The following SASH1 variants were observed in gnomAD, a reference collection of about 807,000 sequenced individuals.
SASH1 encodes the protein SAM and SH3 domain containing 1, also known as SAM and SH3 domain-containing protein 1.
A neutral mutation model predicts 125.2 loss-of-function variants in SASH1; 44 were observed. That is an observed-to-expected ratio of 0.35 (90% confidence interval 0.28 to 0.45). SASH1 has a LOEUF of 0.45. Ranked by LOEUF, SASH1 falls within the 20% of genes least tolerant of loss-of-function variation. The pLI is 1.00. For synonymous variants in SASH1, 639 were observed against 649.1 expected (o/e 0.98, Z 0.24); for missense variants, 1,426 against 1,614.5 (o/e 0.88, Z 2.00).
the SASH1 span, among the ~76,000 whole-genome samples, chr6:148,194,126 A>C: frequency 6.6e-6 from 1 of 152,162 alleles, no homozygotes; most frequent in Non-Finnish European, 1.5e-5. Flanking sequence ...CGTACCTGCC[A>C]TTTTCCCTTT....
chr6:148,240,232 G>GGTCT, the SASH1 span, among the ~76,000 whole-genome samples: 3 of 151,888 alleles, frequency 2.0e-5, 1 homozygote, highest in South Asian at 6.3e-4. Flanking sequence ...TCAAAGCCTA[G>GGTCT]GTCTAAACAT....
intron 6 of SASH1, among the ~76,000 whole-genome samples, chr6:148,473,365 T>C (rs1778199399): frequency 6.6e-6 from 1 of 152,194 alleles, no homozygotes; most frequent in South Asian, 2.1e-4. Context: ...GCAATTCTCC[T>C]GCTTCAGTCT....
At chr6:148,287,680 T>C (rs1192334757) in intron 1 of SASH1, among the ~76,000 whole-genome samples, 1 of 77,192 alleles carries the variant, frequency 1.3e-5, no homozygotes, top group African/African-American at 7.8e-5. Context: ...CTGTAATCAG[T>C]GCGTGCGTGT....
chr6:148,440,433 A>G (rs1776497722), intron 4 of SASH1, 26 bp downstream of exon 4: 2 of 1,607,288 alleles, frequency 1.2e-6, no homozygotes, highest in African/African-American at 1.3e-5. Flanking sequence ...TCTGCCCAGG[A>G]CCACCTTCCA....
intron 2 of SASH1, among the ~76,000 whole-genome samples, chr6:148,427,281 T>C (rs1002740295): frequency 1.3e-5 from 2 of 151,762 alleles, no homozygotes; most frequent in Non-Finnish European, 2.9e-5. Context: ...ACCCAGGGGG[T>C]GGATTATAGT....
In SASH1 at chr6:148,294,380, C is replaced by T. The variant is rs766239010; in HGVS notation, n.74+22003C>T. ...GTACAAATCCTGGACCCTTTCCTTA[C>T]GAGCTCTGAGACTCTGGACAAATGA... On this transcript the variant is annotated intron_variant and non_coding_transcript_variant, in intron 1 of 3. Coordinates refer to the SASH1 transcript ENST00000367469. Among the ~76,000 whole-genome samples the T allele has an allele frequency of 3.9e-4, 59 of 152,250 alleles. 1 individual carries two copies. The highest frequency in any genetic ancestry group is 6.5e-4 in the Admixed American group (10 of 15,282).
intron 1 of SASH1, among the ~76,000 whole-genome samples, chr6:148,354,570 C>A (rs1781854056): frequency 6.6e-6 from 1 of 151,964 alleles, no homozygotes; most frequent in Non-Finnish European, 1.5e-5. Context: ...ACTCATTCTG[C>A]ATCTTTGAGC....
intron 1 of SASH1, among the ~76,000 whole-genome samples, chr6:148,360,641 C>CCCCT (rs1554242948): frequency 7.8e-6 from 1 of 128,048 alleles, no homozygotes; most frequent in Non-Finnish European, 1.8e-5. Flanking sequence ...GAGCCACCCC[C>CCCCT]CCGCCAGGCT....
At position 148,366,762 on chromosome 6, in the gene SASH1, T is replaced by G. The variant is rs1782475617; in HGVS notation, c.157-23372T>G. 2.0e-5 allele frequency among the ~76,000 whole-genome samples: 3 copies of G among 151,822 alleles called. No homozygotes were observed. In the South Asian group the frequency reaches 6.2e-4, roughly 32 times the overall value. ...ACAGGTACGGGCCACCAAGCCCGCG[T>G]AATTTTTGTATTTTTGGCAGAGACG... On this transcript the variant is annotated intron_variant, in intron 1 of 19. Coordinates refer to ENST00000367467, the MANE Select transcript of SASH1 (RefSeq NM_015278.5).
the SASH1 span, among the ~76,000 whole-genome samples, chr6:148,209,566 A>G: frequency 2.8e-4 from 42 of 152,162 alleles, no homozygotes; most frequent in Non-Finnish European, 5.9e-5. Context: ...AGTGTGAGCA[A>G]TTTACACATC....
intron 1 of SASH1, among the ~76,000 whole-genome samples, chr6:148,295,570 A>G (rs1478440505): frequency 6.6e-6 from 1 of 152,176 alleles, no homozygotes; most frequent in Non-Finnish European, 1.5e-5. Context: ...ACTAATAACA[A>G]CCCTGCCAGC....
chr6:148,464,480 A>G (rs1777749065), intron 4 of SASH1, among the ~76,000 whole-genome samples: 1 of 152,164 alleles, frequency 6.6e-6, no homozygotes, highest in African/African-American at 2.4e-5. Flanking sequence ...CACCATCCTC[A>G]GGCCTGGGGC....
At chr6:148,302,601 C>G (rs956472713) in intron 1 of SASH1, among the ~76,000 whole-genome samples, 1 of 149,516 alleles carries the variant, frequency 6.7e-6, no homozygotes, top group Non-Finnish European at 1.5e-5. Context: ...CACATACACA[C>G]ACACACACAC....
the SASH1 span, among the ~76,000 whole-genome samples, chr6:148,200,944 C>T: frequency 6.6e-6 from 1 of 152,286 alleles, no homozygotes; most frequent in South Asian, 2.1e-4. Flanking sequence ...CCTCCTCAAG[C>T]TCTTAGAACT....
chr6:148,298,309 G>A (rs895283889), intron 1 of SASH1, among the ~76,000 whole-genome samples: 7 of 151,968 alleles, frequency 4.6e-5, no homozygotes, highest in South Asian at 2.1e-4. Flanking sequence ...CGCCGTGCCC[G>A]GCCTTATTAT....
chr6:148,539,564 A>G (rs558274979), intron 16 of SASH1, among the ~76,000 whole-genome samples: 15 of 152,282 alleles, frequency 9.9e-5, no homozygotes, highest in African/African-American at 3.6e-4. Context: ...GTAGTACTCC[A>G]TGGTGTATAG....
At chr6:148,241,658 G>A in the SASH1 span, among the ~76,000 whole-genome samples, 1 of 152,196 alleles carries the variant, frequency 6.6e-6, no homozygotes. Flanking sequence ...TCATATAGCT[G>A]CATAAAGCAG....
the SASH1 span, among the ~76,000 whole-genome samples, chr6:148,215,129 G>A: frequency 6.6e-6 from 1 of 152,216 alleles, no homozygotes; most frequent in African/African-American, 2.4e-5. Context: ...TTGGACAGAA[G>A]ACTGTGAGGG....
chr6:148,542,304 A>T (rs1782266350), intron 17 of SASH1, among the ~76,000 whole-genome samples: 1 of 152,212 alleles, frequency 6.6e-6, no homozygotes, highest in East Asian at 1.9e-4. Flanking sequence ...AGAGGTTCTA[A>T]TAATTTTCTA....
Sources: gnomAD v4.1 joint callset for allele counts (sites outside exome capture counted in the v4.1 genomes callset) on GRCh38, gnomAD v4.1.1 for gene constraint, MANE v1.5 for transcripts, NCBI Gene and HGNC (gene_info 2026-07-23, HGNC 2026-07-21) for gene names.